SNX29: variants seen among roughly 807,000 people sequenced by gnomAD.
SNX29 encodes the protein sorting nexin 29.
In SNX29, 78 loss-of-function variants were observed where a neutral mutation model predicts 102.1. That is an observed-to-expected ratio of 0.76 (90% CI 0.64 to 0.92). The LOEUF is 0.92. SNX29 is among the 40% of genes least tolerant of loss of function. The pLI is 0.00. For missense variants in SNX29, 1,280 were observed against 1,061.7 expected (o/e 1.21, Z -2.86); for synonymous variants, 580 against 414.5 (o/e 1.40, Z -4.85).
chr16:12,226,636 CAA>C (rs1273045052), intron 14 of SNX29, among the ~76,000 whole-genome samples: 3 of 146,812 alleles, frequency 2.0e-5, no homozygotes, highest in Non-Finnish European at 4.5e-5. Flanking sequence ...TACACTGGTG[CAA>C]TCTTGGCTCA....
Position 12,064,217 on chromosome 16 carries a change from C to G in SNX29, c.1243+2571C>G, listed in dbSNP as rs529033918. 2.6e-5 allele frequency among the ~76,000 whole-genome samples: 4 copies of G among 152,294 alleles called. No individual in the cohort carries two copies. The South Asian group carries it at 6.2e-4, about 24-fold the overall frequency. On this transcript the variant is annotated intron_variant, in intron 9 of 20. Transcript: ENST00000566228. ...CTGAACCATCAGACATCCGGGTCAG[C>G]TCCTTTGCCGCTTAGCTGGGCCTCC...
intron 20 of SNX29, among the ~76,000 whole-genome samples, chr16:12,560,199 T>C (rs2141464395): frequency 6.7e-6 from 1 of 150,150 alleles, no homozygotes; most frequent in East Asian, 2.0e-4. Flanking sequence ...AACTTGTGCT[T>C]GTAGAAGAGC....
intron 15 of SNX29, among the ~76,000 whole-genome samples, chr16:12,310,352 A>G (rs1197525772): frequency 6.6e-6 from 1 of 152,260 alleles, no homozygotes; most frequent in African/African-American, 2.4e-5. Context: ...ATACACGTTC[A>G]CACAAGGACT....
chr16:12,034,672 T>A (rs1271333192), intron 4 of SNX29, among the ~76,000 whole-genome samples: 4 of 152,176 alleles, frequency 2.6e-5, no homozygotes, highest in Non-Finnish European at 5.9e-5. Flanking sequence ...GGAGCTGGAC[T>A]GATACCTATT....
intron 14 of SNX29, among the ~76,000 whole-genome samples, chr16:12,240,493 CT>C (rs1168903223): frequency 7.0e-6 from 1 of 143,742 alleles, no homozygotes; most frequent in Non-Finnish European, 1.5e-5. Context: ...CTATAACGAT[CT>C]TGATTTTTTT....
At chr16:12,454,751 A>T (rs904323387) in intron 18 of SNX29, among the ~76,000 whole-genome samples, 13 of 151,840 alleles carry the variant, frequency 8.6e-5, no homozygotes, top group Middle Eastern at 3.4e-3. Context: ...ATGGAGTCTC[A>T]CCCTGTCACC....
chr16:12,280,458 C>T lies in SNX29; in HGVS notation c.1782+2422C>T, dbSNP rs561982188. 8.0e-4 allele frequency among the ~76,000 whole-genome samples: 122 copies of T among 152,288 alleles called. 1 individual carries two copies. Among genetic ancestry groups the T allele is most frequent in the African/African-American group, 2.9e-3 (119 of 41,566 alleles). ...AGAGGGTGAGTGTGGAACCACCAAA[C>T]GGGAGGGCTCAAGGTTGAGGCATGA... is the stretch of plus-strand genomic sequence containing the variant. On this transcript the variant is annotated intron_variant, in intron 15 of 20. Coordinates refer to ENST00000566228, the MANE Select transcript of SNX29 (RefSeq NM_032167.5).
chr16:12,412,799 C>G (rs2084456928), intron 18 of SNX29, among the ~76,000 whole-genome samples: 1 of 152,180 alleles, frequency 6.6e-6, no homozygotes, highest in Non-Finnish European at 1.5e-5. Context: ...GGTGAACTGT[C>G]TGAATTTTTA....
At chr16:12,082,097 C>G (rs866546294) in intron 11 of SNX29, among the ~76,000 whole-genome samples, 3 of 152,204 alleles carry the variant, frequency 2.0e-5, no homozygotes, top group Admixed American at 2.0e-4. Context: ...TTCCCAGCAC[C>G]TATGATTCTG....
intron 18 of SNX29, among the ~76,000 whole-genome samples, chr16:12,462,016 T>TATAC (rs1555544564): frequency 3.1e-5 from 2 of 65,208 alleles, no homozygotes; most frequent in Non-Finnish European, 4.8e-5. Flanking sequence ...TATATATGTA[T>TATAC]ACACACACAC....
chr16:12,285,271 C>T (rs927523088), intron 15 of SNX29, among the ~76,000 whole-genome samples: 9 of 152,272 alleles, frequency 5.9e-5, no homozygotes, highest in East Asian at 3.9e-4. Flanking sequence ...TTGCCGGCAC[C>T]GTTTTCTAGC....
chr16:12,260,022 C>T (rs1215404723), intron 14 of SNX29, among the ~76,000 whole-genome samples: 1 of 152,218 alleles, frequency 6.6e-6, no homozygotes, highest in Non-Finnish European at 1.5e-5. Context: ...CTCTTCTGTT[C>T]CTGCAGGAGA....
At chr16:12,541,697 G>T (rs1007324) in intron 20 of SNX29, among the ~76,000 whole-genome samples, 8 of 151,910 alleles carry the variant, frequency 5.3e-5, no homozygotes, top group Non-Finnish European at 1.0e-4. Context: ...ACCCTGGGGC[G>T]GGAGTGGGTT....
chr16:12,218,895 C>G (rs2077396243), intron 14 of SNX29, among the ~76,000 whole-genome samples: 1 of 152,180 alleles, frequency 6.6e-6, no homozygotes, highest in African/African-American at 2.4e-5. Flanking sequence ...CTGCCTCAGC[C>G]TCCCAAGTAG....
intron 14 of SNX29, among the ~76,000 whole-genome samples, chr16:12,270,009 C>G (rs2079044807): frequency 6.6e-6 from 1 of 152,030 alleles, no homozygotes; most frequent in African/African-American, 2.4e-5. Context: ...TGCAGGCACG[C>G]ACCACCACGC....
chr16:12,276,406 G>A (rs891344098), intron 14 of SNX29, among the ~76,000 whole-genome samples: 4 of 152,176 alleles, frequency 2.6e-5, no homozygotes, highest in Admixed American at 1.3e-4. Context: ...CCTTCGGCGG[G>A]CTCTAACAGT....
At chr16:12,501,718 C>A (rs1179279589) in intron 19 of SNX29, among the ~76,000 whole-genome samples, 3 of 92,324 alleles carry the variant, frequency 3.2e-5, no homozygotes, top group African/African-American at 1.4e-4. Context: ...GAGCAAGACA[C>A]TGTCTCAAAA....
intron 20 of SNX29, among the ~76,000 whole-genome samples, chr16:12,554,291 T>C (rs1233464349): frequency 6.6e-6 from 1 of 152,232 alleles, no homozygotes; most frequent in Non-Finnish European, 1.5e-5. Flanking sequence ...GGGTGCTTGC[T>C]TCATATGAGG....
At chr16:12,532,722 G>A (rs964116302) in intron 20 of SNX29, among the ~76,000 whole-genome samples, 7 of 152,208 alleles carry the variant, frequency 4.6e-5, no homozygotes. Context: ...GAGAGGGCAG[G>A]AAGAGGTGTT....
Sources: gnomAD v4.1 joint callset for allele counts (sites outside exome capture counted in the v4.1 genomes callset) on GRCh38, gnomAD v4.1.1 for gene constraint, MANE v1.5 for transcripts, NCBI Gene and HGNC (gene_info 2026-07-23, HGNC 2026-07-21) for gene names.